GREM1: variants seen among roughly 807,000 people sequenced by gnomAD.
The protein encoded by GREM1 is gremlin 1, DAN family BMP antagonist.
A neutral mutation model predicts 13.1 loss-of-function variants in GREM1; 6 were observed. The observed-to-expected ratio is 0.46, with a 90% confidence interval of 0.25 to 0.91. The LOEUF (loss-of-function observed/expected upper bound fraction) is 0.91. Among genes scored for constraint, GREM1 ranks in the 40% least tolerant of loss-of-function variants. The pLI is 0.18. For missense variants in GREM1, 185 were observed against 233.9 expected (o/e 0.79, Z 1.36); for synonymous variants, 98 against 93.7 (o/e 1.05, Z -0.27).
At chr15:32,721,140 G>A (rs2055399024) in intron 1 of GREM1, among the ~76,000 whole-genome samples, 2 of 151,908 alleles carry the variant, frequency 1.3e-5, no homozygotes, top group Admixed American at 1.3e-4. Flanking sequence ...TGGGCAACAC[G>A]AGTGAAAACT....
At chr15:32,728,217 A>G (rs936063120) in intron 1 of GREM1, among the ~76,000 whole-genome samples, 1 of 152,254 alleles carries the variant, frequency 6.6e-6, no homozygotes, top group African/African-American at 2.4e-5. Context: ...TGGAAGCATC[A>G]TGCTACCTGA....
intron 1 of GREM1, chr15:32,718,561 G>A (rs1380564086): frequency 1.1e-5 from 5 of 438,086 alleles, no homozygotes; most frequent in Non-Finnish European, 1.8e-5. Context: ...GTCGGCCGCT[G>A]ACTGCGCGGC....
chr15:32,738,083 C>CAAAAAAAAAAAAAAAAAAAAA lies in GREM1; in HGVS notation c.*6868_*6888dup. On this transcript the variant is annotated 3_prime_UTR_variant, in exon 2 of 2. Transcript: ENST00000651154. ...GGAGGTTCTACCTAGGGTAATTAGGCAAAAAAAAAAAAAAAAAAAAAAAAA... is the reference window on the plus strand; with the variant it reads ...GGAGGTTCTACCTAGGGTAATTAGGCAAAAAAAAAAAAAAAAAAAAAAAAAAAAAAAAAAAAAAAAAAAAAA... The CAAAAAAAAAAAAAAAAAAAAA allele has an allele frequency of 1.1e-4, 2 of 18,930 alleles. No homozygotes were observed. The highest frequency in any genetic ancestry group is 2.3e-4 in the African/African-American group (1 of 4,378). 1.2% of individuals were successfully genotyped at this position (18,930 alleles called of 1,614,324 possible). A position where few individuals can be genotyped will look rare whatever the true frequency, so the allele number is the denominator to read the frequency against.
rs1030291213 is a variant in GREM1, at chr15:32,733,071, C to A, written c.*1826C>A. 4 of 230,378 alleles carry A rather than the reference C, an allele frequency of 1.7e-5. No individual in the cohort carries two copies. The highest frequency in any genetic ancestry group is 9.0e-5 in the African/African-American group (4 of 44,398). The allele number at this position is 230,378 out of a possible 1,614,324, so 14.3% of individuals were successfully genotyped here. On this transcript the variant is annotated 3_prime_UTR_variant, in exon 2 of 2. Coordinates refer to ENST00000651154, the MANE Select transcript of GREM1 (RefSeq NM_013372.7). ...CAACTAAACAGGAGCCATTTCAAGG[C>A]GGGAGATATTTTAAACACCCAAAAT...
rs1448556066 is a variant in GREM1, at chr15:32,733,351, A to C, written c.*2106A>C. ...ATGTAAAACCACACCAGGGAGGAAA[A>C]ATGACATTCAGAACCAGCAAACACT... On this transcript the variant is annotated 3_prime_UTR_variant, in exon 2 of 2. Coordinates refer to ENST00000651154, the MANE Select transcript of GREM1 (RefSeq NM_013372.7). The C allele has an allele frequency of 4.4e-6, 1 of 225,412 alleles. No homozygotes were observed. Among genetic ancestry groups the C allele is most frequent in the Non-Finnish European group, 9.6e-6 (1 of 103,744 alleles). The allele number at this position is 225,412 out of a possible 1,614,324, so 14.0% of individuals were successfully genotyped here. A position where few individuals can be genotyped will look rare whatever the true frequency, so the allele number is the denominator to read the frequency against.
In GREM1 at chr15:32,731,313, C is replaced by A; in HGVS notation, c.*68C>A. 1 of 1,274,632 alleles carries A rather than the reference C, an allele frequency of 7.8e-7. No homozygotes were observed. Among genetic ancestry groups the A allele is most frequent in the Non-Finnish European group, 1.1e-6 (1 of 900,190 alleles). 79.0% of individuals were successfully genotyped at this position (1,274,632 alleles called of 1,614,324 possible). On this transcript the variant is annotated 3_prime_UTR_variant, in exon 2 of 2. Transcript: ENST00000651154. ...CAGGAAGTCCCAGACCTAAAACAAC[C>A]AGATTCTTACTTGGCTTAAACCTAG... is the stretch of plus-strand genomic sequence containing the variant.
rs2055733049 is a variant in GREM1 at position 32,738,454 on chromosome 15, A to T, written c.*7209A>T. The T allele has an allele frequency of 6.6e-6, 1 of 152,172 alleles. No homozygotes were observed. Among genetic ancestry groups the T allele is most frequent in the African/African-American group, 2.4e-5 (1 of 41,456 alleles). The allele number at this position is 152,172 out of a possible 1,614,324, so 9.4% of individuals were successfully genotyped here. On this transcript the variant is annotated 3_prime_UTR_variant, in exon 2 of 2. Coordinates refer to ENST00000651154, the MANE Select transcript of GREM1 (RefSeq NM_013372.7). ...ACAATAAAACATTGTTAAAAAATTTAAAATCATCAAAATAGATGGAAATAA... is the reference window on the plus strand; with the variant it reads ...ACAATAAAACATTGTTAAAAAATTTTAAATCATCAAAATAGATGGAAATAA...
rs1272702236 is a variant in GREM1, at chr15:32,736,948, A to ATAC, written c.*5705_*5707dup. 6.6e-6 allele frequency: 1 copy of ATAC among 152,198 alleles called. No homozygotes were observed. The highest frequency in any genetic ancestry group is 1.5e-5 in the Non-Finnish European group (1 of 68,040). The allele number at this position is 152,198 out of a possible 1,614,324, so 9.4% of individuals were successfully genotyped here. A position where few individuals can be genotyped will look rare whatever the true frequency, so the allele number is the denominator to read the frequency against. ...GCCTCATGTGAGTAATAAATGTTTCATACTCTCTTGGGGTGTGTGTAACAT... is the reference window on the plus strand; with the variant it reads ...GCCTCATGTGAGTAATAAATGTTTCATACTACTCTCTTGGGGTGTGTGTAACAT... On this transcript the variant is annotated 3_prime_UTR_variant, in exon 2 of 2. Coordinates refer to ENST00000651154, the MANE Select transcript of GREM1 (RefSeq NM_013372.7).
chr15:32,722,724 C>A (rs1051316310), intron 1 of GREM1, among the ~76,000 whole-genome samples: 1 of 152,022 alleles, frequency 6.6e-6, no homozygotes, highest in Admixed American at 6.6e-5. Flanking sequence ...GTAGAGAGGA[C>A]CTGCTTTGAG....
intron 1 of GREM1, among the ~76,000 whole-genome samples, chr15:32,728,433 C>T (rs539580745): frequency 5.3e-5 from 8 of 152,176 alleles, no homozygotes; most frequent in South Asian, 4.1e-4. Context: ...TTATCAGCTC[C>T]GAACTTATAA....
At chr15:32,721,202 A>G (rs1595844140) in intron 1 of GREM1, among the ~76,000 whole-genome samples, 1 of 152,138 alleles carries the variant, frequency 6.6e-6, no homozygotes, top group Admixed American at 6.5e-5. Flanking sequence ...TGGCTTTCCC[A>G]CTTATGAGCT....
At position 32,739,908 on chromosome 15, in the gene GREM1, T is replaced by G. The variant is rs1239044019; in HGVS notation, c.*8663T>G. The G allele has an allele frequency of 2.0e-5, 3 of 152,252 alleles. No homozygotes were observed. The highest frequency in any genetic ancestry group is 7.2e-5 in the African/African-American group (3 of 41,448). The allele number at this position is 152,252 out of a possible 1,614,324, so 9.4% of individuals were successfully genotyped here. A position where few individuals can be genotyped will look rare whatever the true frequency, so the allele number is the denominator to read the frequency against. ...GATTCCCAGAGGACTGGCTTCTATCTTGTCAGTCTTGGAGCTCTGACAGAA... is the reference window on the plus strand; with the variant it reads ...GATTCCCAGAGGACTGGCTTCTATCGTGTCAGTCTTGGAGCTCTGACAGAA... On this transcript the variant is annotated 3_prime_UTR_variant, in exon 2 of 2. Transcript: ENST00000651154.
rs1222335592 is a variant in GREM1, at chr15:32,738,339, A to C, written c.*7094A>C. The C allele has an allele frequency of 6.6e-6, 1 of 151,930 alleles. No individual in the cohort carries two copies. The highest frequency in any genetic ancestry group is 6.6e-5 in the Admixed American group (1 of 15,266). 9.4% of individuals were successfully genotyped at this position (151,930 alleles called of 1,614,324 possible). A position where few individuals can be genotyped will look rare whatever the true frequency, so the allele number is the denominator to read the frequency against. The stretch of plus-strand genomic sequence containing the variant: ...TTGTAATGAAAAATCTGAAAATAAA[A>C]TTAAGAAAATAGCACCCTTTGAATA... On this transcript the variant is annotated 3_prime_UTR_variant, in exon 2 of 2. Coordinates refer to ENST00000651154, the MANE Select transcript of GREM1 (RefSeq NM_013372.7).
At chr15:32,728,823 G>A (rs1223434752) in intron 1 of GREM1, among the ~76,000 whole-genome samples, 2 of 152,140 alleles carry the variant, frequency 1.3e-5, no homozygotes, top group Non-Finnish European at 2.9e-5. Flanking sequence ...GGCCGCAGGA[G>A]GGAGACTGTG....
chr15:32,733,931 G>C lies in GREM1; in HGVS notation c.*2686G>C, dbSNP rs1269557000. Reference sequence around the variant, plus strand: ...AAGAGTGTAAGTGAAAAATCTGGAGGAGAGGATAATTTCCACTGTGTGGAA... The same window carrying C: ...AAGAGTGTAAGTGAAAAATCTGGAGCAGAGGATAATTTCCACTGTGTGGAA... On this transcript the variant is annotated 3_prime_UTR_variant, in exon 2 of 2. Transcript: ENST00000651154. 4.2e-6 allele frequency: 1 copy of C among 240,508 alleles called. No homozygotes were observed. Among genetic ancestry groups the C allele is most frequent in the African/African-American group, 2.2e-5 (1 of 44,962 alleles). The allele number at this position is 240,508 out of a possible 1,614,324, so 14.9% of individuals were successfully genotyped here.
In GREM1 at chr15:32,730,738, G is replaced by A. The variant is rs762932572; in HGVS notation, c.48G>A (p.Gly16=). The A allele has an allele frequency of 1.3e-6, 2 of 1,597,406 alleles. No homozygotes were observed. The highest frequency in any genetic ancestry group is 3.5e-5 in the Admixed American group (2 of 57,968). Residue 16 remains glycine (G), a synonymous_variant, in exon 2 of 2, where the codon GGG becomes GGA. Coordinates refer to ENST00000651154, the MANE Select transcript of GREM1 (RefSeq NM_013372.7). ...YTVGALLLLL[G]TLLPAAEGKK... ...TGGGAGCCCTGCTTCTCCTCTTGGG[G>A]ACCCTGCTGCCGGCTGCTGAAGGGA...
Position 32,732,993 on chromosome 15 carries a change from C to G in GREM1, c.*1748C>G, listed in dbSNP as rs74011946. 4.4e-6 allele frequency: 1 copy of G among 225,066 alleles called. No homozygotes were observed. Among genetic ancestry groups the G allele is most frequent in the Non-Finnish European group, 9.7e-6 (1 of 103,606 alleles). 13.9% of individuals were successfully genotyped at this position (225,066 alleles called of 1,614,324 possible). ...TGGCATTCAGAGAACCCTTGCAACTCGAGAAGCTGTTTTTATTTCGTTTTT... is the reference window on the plus strand; with the variant it reads ...TGGCATTCAGAGAACCCTTGCAACTGGAGAAGCTGTTTTTATTTCGTTTTT... On this transcript the variant is annotated 3_prime_UTR_variant, in exon 2 of 2. Transcript: ENST00000651154.
intron 1 of GREM1, 95 bp downstream of exon 1, chr15:32,718,256 C>G (rs748539676): frequency 4.8e-5 from 48 of 994,504 alleles, no homozygotes; most frequent in African/African-American, 6.5e-5. Context: ...CGCGGCAGCC[C>G]TCCGTGCGCG....
At chr15:32,728,175 G>C (rs2055547947) in intron 1 of GREM1, among the ~76,000 whole-genome samples, 1 of 152,166 alleles carries the variant, frequency 6.6e-6, no homozygotes. Context: ...AGCCGGTATA[G>C]CCAAGACGAT....
Sources: gnomAD v4.1 joint callset for allele counts (sites outside exome capture counted in the v4.1 genomes callset) on GRCh38, gnomAD v4.1.1 for gene constraint, MANE v1.5 for transcripts, NCBI Gene and HGNC (gene_info 2026-07-23, HGNC 2026-07-21) for gene names.